INPP5A: variants seen among roughly 807,000 people sequenced by gnomAD.
INPP5A encodes the protein inositol polyphosphate-5-phosphatase A, also known as 43 kDa inositol polyphosphate 5-phophatase.
INPP5A carries 14 observed loss-of-function variants against 65.2 expected under a neutral mutation model. The ratio of observed to expected loss-of-function variants is 0.21; its 90% CI spans 0.14 to 0.34. The LOEUF (loss-of-function observed/expected upper bound fraction) is 0.34, where lower values mean the gene tolerates loss of function less well. Among genes scored for constraint, INPP5A ranks in the 10% least tolerant of loss-of-function variants. The pLI is 1.00. For missense variants in INPP5A, 431 were observed against 545.6 expected, an observed-to-expected ratio of 0.79 and a Z score of 2.09; for synonymous variants, 207 against 208.3, an observed-to-expected ratio of 0.99 and a Z score of 0.05.
chr10:132,756,219 T>G (rs528980933), intron 11 of INPP5A, among the ~76,000 whole-genome samples: 1 of 152,076 alleles, frequency 6.6e-6, no homozygotes, highest in East Asian at 1.9e-4. Flanking sequence ...ATGTGTGCAC[T>G]TTGTGTGGTG....
At chr10:132,596,935 GCA>G (rs2071705336) in intron 1 of INPP5A, among the ~76,000 whole-genome samples, 2 of 26,028 alleles carry the variant, frequency 7.7e-5, no homozygotes, top group African/African-American at 2.0e-4. Flanking sequence ...GCATGTGCAC[GCA>G]TGTGTGCGTG....
chr10:132,542,228 TAGTC>T lies in INPP5A; in HGVS notation c.75+4060_75+4063del, dbSNP rs2070915572. Among the ~76,000 whole-genome samples the T allele has an allele frequency of 2.0e-5, 3 of 152,364 alleles. No homozygotes were observed. The East Asian group carries it at 5.8e-4, about 29-fold the overall frequency. ...TTCTGAGCCAGTTTGCCTTTTTGCT[TAGTC>T]AGCTCCCGGGCAGCCCTGTCCCTCT... On this transcript the variant is annotated intron_variant, in intron 1 of 15. Coordinates refer to ENST00000368594, the MANE Select transcript of INPP5A (RefSeq NM_005539.5).
chr10:132,676,931 C>T lies in INPP5A; in HGVS notation c.307-13461C>T, dbSNP rs1044830217. Among the ~76,000 whole-genome samples, 1 of 152,178 alleles carries T rather than the reference C, an allele frequency of 6.6e-6. No individual in the cohort carries two copies. Among genetic ancestry groups the T allele is most frequent in the South Asian group, 2.1e-4 (1 of 4,826 alleles). On this transcript the variant is annotated intron_variant, in intron 4 of 15. Transcript: ENST00000368594. This position sits in a 1 kb window ranked among gnomAD's most constrained non-coding sequence, Gnocchi z 4.0. ...CCACATGGTGACCCCCACCGTCACC[C>T]AGGCATCTGTCCTCAACTGCAGACC...
chr10:132,585,538 C>T (rs552177771), intron 1 of INPP5A, among the ~76,000 whole-genome samples: 9 of 152,204 alleles, frequency 5.9e-5, no homozygotes, highest in Non-Finnish European at 8.8e-5. Context: ...TACTAGCTGC[C>T]GTTACAGGCG....
intron 4 of INPP5A, among the ~76,000 whole-genome samples, chr10:132,685,326 C>T (rs1045561058): frequency 2.6e-5 from 4 of 152,244 alleles, no homozygotes; most frequent in Non-Finnish European, 5.9e-5. Context: ...CCTGTGGTCA[C>T]GCCCGCGACG....
In INPP5A at chr10:132,575,823, G is replaced by A. The variant is rs982217300; in HGVS notation, c.76-32092G>A. Among the ~76,000 whole-genome samples the A allele has an allele frequency of 5.3e-5, 8 of 152,114 alleles. No individual in the cohort carries two copies. Among genetic ancestry groups the A allele is most frequent in the South Asian group, 2.1e-4 (1 of 4,820 alleles). On this transcript the variant is annotated intron_variant, in intron 1 of 15. Transcript: ENST00000368594. This position sits in a 1 kb window ranked among gnomAD's most constrained non-coding sequence, Gnocchi z 5.4. ...GAGTGTGTGGTCCCCTAGTGACACCGCCTGCTCTGTGGCTGTTTTCTTTCT... is the reference window on the plus strand; with the variant it reads ...GAGTGTGTGGTCCCCTAGTGACACCACCTGCTCTGTGGCTGTTTTCTTTCT...
At position 132,690,417 on chromosome 10, in the gene INPP5A, A is replaced by G; in HGVS notation, c.332A>G (p.His111Arg). ...FTALGSFYFL[H>R]ESLKNIYQFD... ...GCACTAGGAAGCTTTTATTTTCTTCATGAGTCCTTAAAAAACATCTACCAG... is the reference window on the plus strand; with the variant it reads ...GCACTAGGAAGCTTTTATTTTCTTCGTGAGTCCTTAAAAAACATCTACCAG... The change falls in exon 5 of 16, where the codon CAT (histidine) becomes CGT (arginine). Residue 111 changes from histidine (H) to arginine (R), a missense_variant. By Grantham distance (29) the His-to-Arg change is conservative. Coordinates refer to ENST00000368594, the MANE Select transcript of INPP5A (RefSeq NM_005539.5). 1.9e-6 allele frequency: 3 copies of G among 1,612,410 alleles called. No individual in the cohort carries two copies. Among genetic ancestry groups the G allele is most frequent in the Non-Finnish European group, 8.5e-7 (1 of 1,178,726 alleles).
intron 4 of INPP5A, among the ~76,000 whole-genome samples, chr10:132,654,554 G>A (rs895862417): frequency 1.3e-5 from 2 of 152,210 alleles, no homozygotes; most frequent in Non-Finnish European, 2.9e-5. Context: ...CGGGGTCCTG[G>A]GCAGAGCTGG....
intron 8 of INPP5A, 63 bp from the exon 9 acceptor site, chr10:132,726,758 G>A: frequency 8.7e-7 from 1 of 1,152,974 alleles, no homozygotes; most frequent in African/African-American, 1.5e-5. Context: ...GGAGCACCGG[G>A]GCCGGGCATG....
chr10:132,572,115 A>C (rs1354742892), intron 1 of INPP5A, among the ~76,000 whole-genome samples: 1 of 152,196 alleles, frequency 6.6e-6, no homozygotes, highest in East Asian at 1.9e-4. Flanking sequence ...CACCGCAGAT[A>C]GTCTAGGAAA....
At chr10:132,690,836 T>C (rs969517691) in intron 5 of INPP5A, among the ~76,000 whole-genome samples, 5 of 152,230 alleles carry the variant, frequency 3.3e-5, no homozygotes, top group Non-Finnish European at 7.3e-5. Context: ...TTGATGGTCA[T>C]GTGCTGTGTG....
At chr10:132,610,721 C>T (rs866301675) in intron 2 of INPP5A, among the ~76,000 whole-genome samples, 1 of 152,218 alleles carries the variant, frequency 6.6e-6, no homozygotes, top group Non-Finnish European at 1.5e-5. Flanking sequence ...CAGGCTGGGC[C>T]GTGGCAGCTT....
At chr10:132,719,972 G>T (rs112761390) in intron 8 of INPP5A, among the ~76,000 whole-genome samples, 1 of 148,772 alleles carries the variant, frequency 6.7e-6, no homozygotes, top group Non-Finnish European at 1.5e-5. Flanking sequence ...TTCTTTCTGG[G>T]GGCACCTTAG....
Position 132,545,760 on chromosome 10 carries a change from C to T in INPP5A, c.75+7589C>T, listed in dbSNP as rs72854969. ...TCAGAGGCTCTGGAGCCCCAAGTCGCACCCCACCAGGTCTGGTTGGTGCTG... is the reference window on the plus strand; with the variant it reads ...TCAGAGGCTCTGGAGCCCCAAGTCGTACCCCACCAGGTCTGGTTGGTGCTG... On this transcript the variant is annotated intron_variant, in intron 1 of 15. Coordinates refer to ENST00000368594, the MANE Select transcript of INPP5A (RefSeq NM_005539.5). This position sits in a 1 kb window ranked among gnomAD's most constrained non-coding sequence, Gnocchi z 4.6. Among the ~76,000 whole-genome samples, 836 of 152,356 alleles carry T rather than the reference C, an allele frequency of 5.5e-3. 6 individuals carry two copies. Among genetic ancestry groups the T allele is most frequent in the South Asian group, 0.011 (53 of 4,830 alleles).
chr10:132,538,371 G>A lies in INPP5A; in HGVS notation c.75+200G>A, dbSNP rs2070868300. 6.6e-6 allele frequency among the ~76,000 whole-genome samples: 1 copy of A among 152,032 alleles called. No individual in the cohort carries two copies. The highest frequency in any genetic ancestry group is 6.5e-5 in the Admixed American group (1 of 15,272). ...CCCAGACCCCTGTCTTGATCCCCAA[G>A]CCCGAGACCTGAAGACCTGGGCCCT... On this transcript the variant is annotated intron_variant, in intron 1 of 15. Transcript: ENST00000368594. This position sits in a 1 kb window ranked among gnomAD's most constrained non-coding sequence, Gnocchi z 4.1.
rs112764490 is a variant in INPP5A at position 132,651,460 on chromosome 10, G to A, written c.306+955G>A. 5.6e-3 allele frequency among the ~76,000 whole-genome samples: 808 copies of A among 143,682 alleles called. 13 individuals carry two copies. The highest frequency in any genetic ancestry group is 0.018 in the African/African-American group (702 of 38,060). The allele number at this position is 143,682 out of a possible 152,430, so 94.3% of individuals were successfully genotyped here. ...TCTCTGGGGAGGCCCTGGGTCCCCCGGCTTGGGTCCATCTCCCCCATCTCT... is the reference window on the plus strand; with the variant it reads ...TCTCTGGGGAGGCCCTGGGTCCCCCAGCTTGGGTCCATCTCCCCCATCTCT... On this transcript the variant is annotated intron_variant, in intron 4 of 15. Transcript: ENST00000368594. The surrounding 1 kb of genome is among the most constrained non-coding windows in gnomAD (Gnocchi z 5.0).
chr10:132,761,225 T>C (rs1846727322), intron 11 of INPP5A, among the ~76,000 whole-genome samples: 1 of 152,198 alleles, frequency 6.6e-6, no homozygotes, highest in East Asian at 1.9e-4. Context: ...TCTCCAGCTT[T>C]TCAAGTTTTA....
At chr10:132,655,505 G>A (rs573544303) in intron 4 of INPP5A, among the ~76,000 whole-genome samples, 52 of 152,356 alleles carry the variant, frequency 3.4e-4, no homozygotes, top group African/African-American at 1.1e-3. Context: ...AGGGAGCTCC[G>A]AGAACACATC....
chr10:132,700,360 C>A (rs1312861648), intron 6 of INPP5A, among the ~76,000 whole-genome samples: 1 of 152,136 alleles, frequency 6.6e-6, no homozygotes, highest in East Asian at 1.9e-4. Flanking sequence ...TGGGCCGAGG[C>A]CTCCCTGTGG....
Sources: gnomAD v4.1 joint callset for allele counts (sites outside exome capture counted in the v4.1 genomes callset) on GRCh38, gnomAD v4.1.1 for gene constraint, Gnocchi (gnomAD v3.1) non-coding constraint, MANE v1.5 for transcripts, NCBI Gene and HGNC (gene_info 2026-07-23, HGNC 2026-07-21) for gene names.